DLGAP2: variants seen among roughly 807,000 people sequenced by gnomAD.
DLGAP2 encodes the protein disks large-associated protein 2.
In DLGAP2, 26 loss-of-function variants were observed where a neutral mutation model predicts 100.3. That is an observed-to-expected ratio of 0.26 (90% CI 0.19 to 0.36). The LOEUF (loss-of-function observed/expected upper bound fraction) is 0.36. Among genes scored for constraint, DLGAP2 ranks in the 10% least tolerant of loss-of-function variants. The pLI, the probability that DLGAP2 is intolerant of heterozygous loss-of-function variation, is 1.00. For synonymous variants in DLGAP2, 886 were observed against 630.1 expected, an observed-to-expected ratio of 1.41 and a Z score of -6.08; for missense variants, 1,858 against 1,453.2, an observed-to-expected ratio of 1.28 and a Z score of -4.53.
At chr8:1,064,235 T>C (rs1803176003) in intron 2 of DLGAP2, among the ~76,000 whole-genome samples, 1 of 152,240 alleles carries the variant, frequency 6.6e-6, no homozygotes, top group South Asian at 2.1e-4. Flanking sequence ...ATATTGCTTT[T>C]TTAAGCCAAG....
At chr8:1,053,182 C>G (rs908211354) in intron 2 of DLGAP2, among the ~76,000 whole-genome samples, 2 of 152,144 alleles carry the variant, frequency 1.3e-5, no homozygotes, top group African/African-American at 4.8e-5. Flanking sequence ...AAAATAGAAG[C>G]GCGGATGTGG....
chr8:1,356,826 C>G (rs538204722), intron 3 of DLGAP2, among the ~76,000 whole-genome samples: 2 of 152,118 alleles, frequency 1.3e-5, no homozygotes, highest in Non-Finnish European at 2.9e-5. Flanking sequence ...CCGTTTGCCA[C>G]GATGTAACAC....
chr8:763,950 C>T (rs1453745355), intron 1 of DLGAP2, among the ~76,000 whole-genome samples: 1 of 152,128 alleles, frequency 6.6e-6, no homozygotes, highest in African/African-American at 2.4e-5. Flanking sequence ...GTTTGGAGGG[C>T]CAGGGCCTTT....
At chr8:976,105 TAAAG>T (rs1186956340) in intron 2 of DLGAP2, among the ~76,000 whole-genome samples, 9 of 152,062 alleles carry the variant, frequency 5.9e-5, no homozygotes, top group Admixed American at 3.9e-4. Context: ...ACACCAAAAA[TAAAG>T]AAATACTTAG....
At chr8:1,229,974 C>T (rs907748100) in intron 2 of DLGAP2, among the ~76,000 whole-genome samples, 29 of 152,124 alleles carry the variant, frequency 1.9e-4, no homozygotes, top group Non-Finnish European at 3.5e-4. Flanking sequence ...ACAAGGATGC[C>T]CACTCTCACC....
At chr8:1,665,219 G>T (rs1028268189) in intron 8 of DLGAP2, among the ~76,000 whole-genome samples, 1 of 152,070 alleles carries the variant, frequency 6.6e-6, no homozygotes, top group Non-Finnish European at 1.5e-5. Flanking sequence ...AAATTTTTCA[G>T]ACTCTTTAAA....
At chr8:1,252,582 A>G (rs985092629) in intron 2 of DLGAP2, among the ~76,000 whole-genome samples, 1 of 152,284 alleles carries the variant, frequency 6.6e-6, no homozygotes, top group South Asian at 2.1e-4. Flanking sequence ...ATGGTGTCCC[A>G]CAGTTGTGTT....
chr8:1,023,857 ATG>A (rs149206104), intron 2 of DLGAP2, among the ~76,000 whole-genome samples: 29,187 of 128,650 alleles, frequency 0.23, 3,025 homozygotes, highest in African/African-American at 0.27. Context: ...AACTTTATAT[ATG>A]TGTGTGTGTG....
chr8:1,227,686 T>C lies in DLGAP2; in HGVS notation c.74-31165T>C, dbSNP rs146696348. On this transcript the variant is annotated intron_variant, in intron 2 of 14. Coordinates refer to ENST00000637795, the MANE Select transcript of DLGAP2 (RefSeq NM_001346810.2). ...TAAGGCAGACACAGGAAGAAAAATA[T>C]TACATGATGTCACTTATATGTGGAA... 4.6e-3 allele frequency among the ~76,000 whole-genome samples: 702 copies of C among 152,178 alleles called. 6 individuals are homozygous for C. Among genetic ancestry groups the C allele is most frequent in the Non-Finnish European group, 8.0e-3 (546 of 68,008 alleles).
chr8:1,458,392 C>A lies in DLGAP2; in HGVS notation c.107-42974C>A, dbSNP rs74736300. On this transcript the variant is annotated intron_variant, in intron 3 of 14. Transcript: ENST00000637795. Reference sequence around the variant, plus strand: ...TTTATGCCTTCAGGTAGAAGTTATTCTAACATGTATCATACCTGGCCTTTT... The same window carrying A: ...TTTATGCCTTCAGGTAGAAGTTATTATAACATGTATCATACCTGGCCTTTT... Among the ~76,000 whole-genome samples, 173 of 152,258 alleles carry A rather than the reference C, an allele frequency of 1.1e-3. 1 individual carries two copies. Among genetic ancestry groups the A allele is most frequent in the African/African-American group, 3.9e-3 (162 of 41,562 alleles).
chr8:1,426,816 G>A (rs527989187), intron 3 of DLGAP2, among the ~76,000 whole-genome samples: 8 of 152,020 alleles, frequency 5.3e-5, no homozygotes, highest in East Asian at 1.9e-4. Context: ...TAAATTAGTC[G>A]TAAAAAAAAA....
intron 3 of DLGAP2, among the ~76,000 whole-genome samples, chr8:1,334,847 G>A (rs1464656048): frequency 6.6e-6 from 1 of 151,716 alleles, no homozygotes; most frequent in South Asian, 2.1e-4. Flanking sequence ...TCACTAACAC[G>A]GCTGTCTTGC....
Position 1,626,782 on chromosome 8 carries a change from C to A in DLGAP2, c.1485C>A (p.His495Gln), listed in dbSNP as rs765813855. 1.7e-5 allele frequency: 27 copies of A among 1,603,934 alleles called. No homozygotes were observed. Among genetic ancestry groups the A allele is most frequent in the Non-Finnish European group, 2.3e-5 (27 of 1,175,660 alleles). ...LQAASDVPVGHSLDPAANYNS... is the reference protein window; with the variant it reads ...LQAASDVPVGQSLDPAANYNS... ...CTGCAAGCGATGTGCCTGTGGGACA[C>A]AGCCTGGACCCCGCTGCGAACTACA... Residue 495 changes from histidine to glutamine, a missense_variant, in exon 7 of 15, where the codon CAC becomes CAA. Coordinates refer to ENST00000637795, the MANE Select transcript of DLGAP2 (RefSeq NM_001346810.2).
In DLGAP2 at chr8:1,535,779, G is replaced by A. The variant is rs190306981; in HGVS notation, c.173-12847G>A. Among the ~76,000 whole-genome samples, 53 of 152,318 alleles carry A rather than the reference G, an allele frequency of 3.5e-4. 1 individual carries two copies. In the East Asian group the frequency reaches 0.01, roughly 29 times the overall value. On this transcript the variant is annotated intron_variant, in intron 4 of 14. Transcript: ENST00000637795. ...ATATCTCCACTTAGGACACATTGTT[G>A]AGCATCGATGTGTGCCAGAGACTTG...
chr8:920,483 C>A (rs532428818), intron 2 of DLGAP2, among the ~76,000 whole-genome samples: 1 of 152,224 alleles, frequency 6.6e-6, no homozygotes, highest in African/African-American at 2.4e-5. Flanking sequence ...TCAGCAGGCA[C>A]AGTGGCTGAT....
chr8:1,269,825 C>G (rs977991318), intron 3 of DLGAP2, among the ~76,000 whole-genome samples: 1 of 152,068 alleles, frequency 6.6e-6, no homozygotes, highest in Non-Finnish European at 1.5e-5. Flanking sequence ...AGAGAATCAC[C>G]GTGGTGTAAT....
chr8:1,475,115 A>G (rs1425250127), intron 3 of DLGAP2, among the ~76,000 whole-genome samples: 2 of 152,174 alleles, frequency 1.3e-5, no homozygotes, highest in Non-Finnish European at 2.9e-5. Flanking sequence ...ATCCTAAGTG[A>G]ATCAACACAA....
At chr8:1,661,997 G>A (rs924535462) in intron 8 of DLGAP2, among the ~76,000 whole-genome samples, 4 of 152,162 alleles carry the variant, frequency 2.6e-5, no homozygotes, top group African/African-American at 7.2e-5. Flanking sequence ...ACAGTATGGT[G>A]AGCCTGTGTG....
In DLGAP2 at chr8:1,701,761, A is replaced by G; in HGVS notation, c.*355A>G. On this transcript the variant is annotated 3_prime_UTR_variant, in exon 15 of 15. Transcript: ENST00000637795. The stretch of plus-strand genomic sequence containing the variant: ...TACATTTTGTTATTTCTATTTTTAT[A>G]AATTGTGTGATAATTAGAGGTAAGA... 3.4e-6 allele frequency: 1 copy of G among 294,634 alleles called. No homozygotes were observed. Among genetic ancestry groups the G allele is most frequent in the South Asian group, 9.0e-5 (1 of 11,114 alleles). 18.3% of individuals were successfully genotyped at this position (294,634 alleles called of 1,614,324 possible). A position where few individuals can be genotyped will look rare whatever the true frequency, so the allele number is the denominator to read the frequency against.
Sources: allele counts gnomAD v4.1 joint callset (sites outside exome capture counted in the v4.1 genomes callset), GRCh38; gene constraint gnomAD v4.1.1; transcripts MANE v1.5; gene names NCBI Gene and HGNC (gene_info 2026-07-23, HGNC 2026-07-21).